The following FAM227A variants were observed in gnomAD, a reference collection of about 807,000 sequenced individuals.
FAM227A encodes the protein protein FAM227A.
A neutral mutation model predicts 74.7 loss-of-function variants in FAM227A; 80 were observed. The observed-to-expected ratio is 1.07, with a 90% CI of 0.89 to 1.29. FAM227A has a LOEUF of 1.29. Ranked by LOEUF, FAM227A falls within the 50% of genes most tolerant of loss-of-function variation. FAM227A has a pLI of 0.00. For synonymous variants in FAM227A, 237 were observed against 241.8 expected (o/e 0.98, Z 0.19); for missense variants, 654 against 683.4 (o/e 0.96, Z 0.48).
chr22:38,590,108 CAAAACAAA>C (rs998521229), intron 16 of FAM227A, among the ~76,000 whole-genome samples: 1 of 150,536 alleles, frequency 6.6e-6, no homozygotes, highest in Non-Finnish European at 1.5e-5. Context: ...CAAAACAAAA[CAAAACAAA>C]AAAACGAAAA....
chr22:38,590,279 CAAAAAAA>C (rs71197120), intron 16 of FAM227A, among the ~76,000 whole-genome samples: 9 of 58,000 alleles, frequency 1.6e-4, no homozygotes, highest in South Asian at 6.3e-4. Context: ...GACTCCATCT[CAAAAAAA>C]AAAAAAAAAA....
chr22:38,639,581 A>G, intron 4 of FAM227A, 74 bp downstream of exon 4: 1 of 1,317,986 alleles, frequency 7.6e-7, no homozygotes, highest in Non-Finnish European at 1.1e-6. Flanking sequence ...TGGGATTCCT[A>G]CTCAGTTGCA....
Position 38,636,528 on chromosome 22 carries a change from TG to T in FAM227A, c.441del (p.Asn147LysfsTer35), listed in dbSNP as rs1455182143. 4 of 1,551,686 alleles carry T rather than the reference TG, an allele frequency of 2.6e-6. No individual in the cohort carries two copies. In the Admixed American group the frequency reaches 7.8e-5, roughly 30 times the overall value. On this transcript the variant is annotated frameshift_variant, in exon 6 of 17. Coordinates refer to ENST00000535113, the MANE Select transcript of FAM227A (RefSeq NM_001013647.2). LOFTEE classifies it high-confidence loss of function. The stretch of plus-strand genomic sequence containing the variant: ...CAGAAGTCCACGCCATTCGGAAGCT[TG>T]TTTGGCTTGGAGCTGTTGAAGTTGG... Reference protein sequence around the residue: ...QYSNFNSSKPNKLPNGVDFCD... With the variant: ...QYSNFNSSKPXKLPNGVDFCD...
intron 8 of FAM227A, among the ~76,000 whole-genome samples, chr22:38,627,827 C>T (rs2091840728): frequency 6.6e-6 from 1 of 152,068 alleles, no homozygotes; most frequent in Non-Finnish European, 1.5e-5. Context: ...TGGTCTTAAA[C>T]TCCTGACCTC....
chr22:38,644,143 C>T (rs2092176935), intron 3 of FAM227A, among the ~76,000 whole-genome samples: 2 of 86,730 alleles, frequency 2.3e-5, no homozygotes. Flanking sequence ...GAGACTCCAT[C>T]TCAAAAAAAA....
chr22:38,642,252 G>C (rs1216324118), intron 3 of FAM227A, among the ~76,000 whole-genome samples: 2 of 152,162 alleles, frequency 1.3e-5, no homozygotes, highest in Non-Finnish European at 2.9e-5. Context: ...ACTGGCAGGA[G>C]AATAAACCCA....
intron 7 of FAM227A, among the ~76,000 whole-genome samples, 178 bp from the exon 8 acceptor site, chr22:38,628,520 G>A (rs531593690): frequency 8.5e-5 from 13 of 152,264 alleles, no homozygotes; most frequent in African/African-American, 2.4e-4. Flanking sequence ...TACAAAGCAC[G>A]TACACAGAGG....
At chr22:38,597,481 T>C in intron 14 of FAM227A, 125 bp from the exon 15 acceptor site, 2 of 922,054 alleles carry the variant, frequency 2.2e-6, no homozygotes, top group Non-Finnish European at 1.7e-6. Context: ...ATGCCCTGCG[T>C]TTCTGGATAA....
rs1289731105 is a variant in FAM227A, at chr22:38,598,269, T to G, written c.1380-913A>C. ...AGTTATTTATGTAGTATCAGCTGTA[T>G]GCCATTTAATCCTCATCACAACACT... On this transcript the variant is annotated intron_variant, in intron 14 of 16. Transcript: ENST00000535113. Among the ~76,000 whole-genome samples the G allele has an allele frequency of 2.6e-5, 4 of 152,198 alleles. No homozygotes were observed. The East Asian group carries it at 7.7e-4, about 29-fold the overall frequency.
At chr22:38,642,949 CAA>C (rs1050317178) in intron 3 of FAM227A, among the ~76,000 whole-genome samples, 1 of 151,432 alleles carries the variant, frequency 6.6e-6, no homozygotes, top group Non-Finnish European at 1.5e-5. Context: ...AAAACAAAAA[CAA>C]AAAAACAACC....
rs1330643112 is a variant in FAM227A, at chr22:38,638,896, T to G, written c.296-74A>C. 3.1e-6 allele frequency: 3 copies of G among 958,774 alleles called. No individual in the cohort carries two copies. In the Admixed American group the frequency reaches 9.1e-5, roughly 29 times the overall value. 59.4% of individuals were successfully genotyped at this position (958,774 alleles called of 1,614,324 possible). The stretch of plus-strand genomic sequence containing the variant: ...CACAGCTGTGCGGTGCTTACAACTG[T>G]GCTTTTTCATTCCACTTGAGCTGCC... On this transcript the variant is annotated intron_variant, in intron 4 of 16. Transcript: ENST00000535113.
intron 6 of FAM227A, among the ~76,000 whole-genome samples, chr22:38,632,715 G>A (rs190188585): frequency 1.8e-4 from 27 of 152,260 alleles, no homozygotes; most frequent in Non-Finnish European, 7.4e-5. Flanking sequence ...AGATAGTGCT[G>A]TTTGCATAGA....
chr22:38,651,162 T>C (rs2092316322), intron 1 of FAM227A, among the ~76,000 whole-genome samples: 1 of 152,170 alleles, frequency 6.6e-6, no homozygotes, highest in South Asian at 2.1e-4. Flanking sequence ...GTTCCCTCTG[T>C]TGGACTACGC....
At chr22:38,648,427 G>A (rs1361065009) in intron 2 of FAM227A, among the ~76,000 whole-genome samples, 1 of 151,434 alleles carries the variant, frequency 6.6e-6, no homozygotes, top group Admixed American at 6.6e-5. Flanking sequence ...GACCAACATG[G>A]AGAAACCCTG....
intron 15 of FAM227A, among the ~76,000 whole-genome samples, chr22:38,595,650 T>G (rs1178846403): frequency 6.6e-6 from 1 of 152,190 alleles, no homozygotes; most frequent in Non-Finnish European, 1.5e-5. Flanking sequence ...GACAAACATG[T>G]GCTCTTACAA....
At position 38,591,556 on chromosome 22, in the gene FAM227A, A is replaced by AC; in HGVS notation, c.1533-17_1533-16insG. 1 of 1,524,742 alleles carries AC rather than the reference A, an allele frequency of 6.6e-7. No homozygotes were observed. 94.5% of individuals were successfully genotyped at this position (1,524,742 alleles called of 1,614,324 possible). A position where few individuals can be genotyped will look rare whatever the true frequency, so the allele number is the denominator to read the frequency against. ...CTTCATTTCCCTGGGAGGAAAACAC[A>AC]GAGACATATGGAAAAAGGCTGGAGT... On this transcript the variant is annotated splice_polypyrimidine_tract_variant and intron_variant, in intron 15 of 16. Coordinates refer to ENST00000535113, the MANE Select transcript of FAM227A (RefSeq NM_001013647.2).
intron 12 of FAM227A, 31 bp from the exon 13 acceptor site, chr22:38,605,379 C>T (rs1163137210): frequency 7.4e-7 from 1 of 1,343,712 alleles, no homozygotes; most frequent in Admixed American, 2.0e-5. Flanking sequence ...AGAAAATGAC[C>T]ATTAGGTTCA....
chr22:38,597,029 A>C (rs2091059815), intron 15 of FAM227A, among the ~76,000 whole-genome samples, 175 bp downstream of exon 15: 1 of 152,170 alleles, frequency 6.6e-6, no homozygotes, highest in South Asian at 2.1e-4. Context: ...TAACAACAAA[A>C]AAAGCTCTGG....
At chr22:38,647,877 G>A (rs1286172927) in intron 2 of FAM227A, among the ~76,000 whole-genome samples, 1 of 152,130 alleles carries the variant, frequency 6.6e-6, no homozygotes, top group African/African-American at 2.4e-5. Context: ...TTAGGTGTGG[G>A]ATTAAGAAGA....
Sources: allele counts gnomAD v4.1 joint callset (sites outside exome capture counted in the v4.1 genomes callset), GRCh38; gene constraint gnomAD v4.1.1; transcripts MANE v1.5; gene names NCBI Gene and HGNC (gene_info 2026-07-23, HGNC 2026-07-21).